Variants in DLC1 observed in about 807,000 individuals in gnomAD.
DLC1 encodes DLC1 Rho GTPase activating protein, also known as rho GTPase-activating protein 7.
DLC1 carries 54 observed loss-of-function variants against 140.3 expected under a neutral mutation model. The ratio of observed to expected loss-of-function variants is 0.38; its 90% CI spans 0.31 to 0.48. The LOEUF is 0.48. DLC1 is among the 20% of genes least tolerant of loss of function. DLC1 has a pLI of 0.96. For synonymous variants in DLC1, 986 were observed against 728.1 expected (o/e 1.35, Z -5.70); for missense variants, 2,536 against 1,907.0 (o/e 1.33, Z -6.14).
At chr8:13,519,424 G>C (rs1015326920), upstream of DLC1, among the ~76,000 whole-genome samples, 14 of 152,078 alleles carry the variant, frequency 9.2e-5, no homozygotes, top group Non-Finnish European at 1.3e-4. Context: ...TGCCGCTCCT[G>C]GCTCATGTGT....
chr8:13,374,115 C>G (rs1168623820), intron 4 of DLC1, among the ~76,000 whole-genome samples: 2 of 152,104 alleles, frequency 1.3e-5, no homozygotes, highest in African/African-American at 4.8e-5. Flanking sequence ...TGAACTGTAT[C>G]TGTATTTAAT....
chr8:13,275,969 T>C (rs144652199), intron 5 of DLC1, among the ~76,000 whole-genome samples: 20 of 152,350 alleles, frequency 1.3e-4, no homozygotes, highest in Non-Finnish European at 1.6e-4. Context: ...ACAAGGACCT[T>C]GCTTCTCTTT....
At chr8:13,599,342 A>T (rs1038892811) in intron 1 of DLC1, among the ~76,000 whole-genome samples, 1 of 152,006 alleles carries the variant, frequency 6.6e-6, no homozygotes, top group African/African-American at 2.4e-5. Flanking sequence ...ATAAATTATT[A>T]AAAATTATTT....
At chr8:13,599,077 A>G (rs1805777947) in intron 1 of DLC1, among the ~76,000 whole-genome samples, 1 of 151,916 alleles carries the variant, frequency 6.6e-6, no homozygotes, top group South Asian at 2.1e-4. Context: ...ATAAGATAAA[A>G]TCTGAAAATT....
At chr8:13,210,049 G>A (rs1279973034) in intron 5 of DLC1, among the ~76,000 whole-genome samples, 1 of 152,070 alleles carries the variant, frequency 6.6e-6, no homozygotes. Context: ...TTTGGTGTTT[G>A]GTGTGGGGTA....
intron 2 of DLC1, among the ~76,000 whole-genome samples, chr8:13,498,622 T>A (rs1000100436): frequency 2.0e-5 from 3 of 152,148 alleles, no homozygotes; most frequent in South Asian, 2.1e-4. Flanking sequence ...TTTTTTCTTA[T>A]GAAAACATAG....
intron 6 of DLC1, among the ~76,000 whole-genome samples, chr8:13,111,707 C>G (rs1057318500): frequency 6.6e-6 from 1 of 152,062 alleles, no homozygotes; most frequent in African/African-American, 2.4e-5. Flanking sequence ...GGAGTCCCAA[C>G]TATGAGGGCA....
chr8:13,148,894 A>C (rs896974405), intron 5 of DLC1, among the ~76,000 whole-genome samples: 6 of 151,946 alleles, frequency 3.9e-5, no homozygotes, highest in African/African-American at 1.5e-4. Context: ...CCAGGTTCAC[A>C]CCATTCTCCA....
At chr8:13,584,887 C>T (rs1288152537) in intron 1 of DLC1, among the ~76,000 whole-genome samples, 2 of 152,124 alleles carry the variant, frequency 1.3e-5, no homozygotes, top group African/African-American at 4.8e-5. Flanking sequence ...GAAACCTTTC[C>T]CCACTGTCTA....
At chr8:13,254,994 T>C (rs1047322504) in intron 5 of DLC1, among the ~76,000 whole-genome samples, 1 of 152,080 alleles carries the variant, frequency 6.6e-6, no homozygotes, top group Non-Finnish European at 1.5e-5. Context: ...TTATTTTTTT[T>C]GAGATGGAGT....
chr8:13,112,185 G>A (rs1262338685), intron 6 of DLC1, among the ~76,000 whole-genome samples: 1 of 152,062 alleles, frequency 6.6e-6, no homozygotes, highest in Admixed American at 6.6e-5. Context: ...AATCCCTTTG[G>A]CCTTCAAAAT....
intron 1 of DLC1, among the ~76,000 whole-genome samples, chr8:13,504,100 T>C (rs1308832830): frequency 6.6e-6 from 1 of 151,738 alleles, no homozygotes; most frequent in Non-Finnish European, 1.5e-5. Flanking sequence ...AGGGTAACAT[T>C]TATCAGAAAC....
At chr8:13,174,956 A>G (rs1241518661) in intron 5 of DLC1, among the ~76,000 whole-genome samples, 1 of 152,158 alleles carries the variant, frequency 6.6e-6, no homozygotes, top group East Asian at 1.9e-4. Flanking sequence ...GATACTCAGA[A>G]TGGTATTTCC....
intron 2 of DLC1, among the ~76,000 whole-genome samples, chr8:13,489,304 C>T (rs1801123822): frequency 6.6e-6 from 1 of 151,558 alleles, no homozygotes; most frequent in African/African-American, 2.4e-5. Context: ...GGTTGACATA[C>T]TTTCTCAGTT....
chr8:13,555,774 T>A (rs951179651), intron 1 of DLC1, among the ~76,000 whole-genome samples: 25 of 152,192 alleles, frequency 1.6e-4, no homozygotes, highest in African/African-American at 5.8e-4. Flanking sequence ...AGTGCTAGGA[T>A]TACAGGCATG....
chr8:13,234,731 G>C (rs1212925107), intron 5 of DLC1, among the ~76,000 whole-genome samples: 2 of 151,922 alleles, frequency 1.3e-5, no homozygotes, highest in Non-Finnish European at 2.9e-5. Context: ...AGAGTATATG[G>C]ATTAAAATTT....
chr8:13,172,084 A>G (rs1262037007), intron 5 of DLC1, among the ~76,000 whole-genome samples: 3 of 152,200 alleles, frequency 2.0e-5, no homozygotes, highest in African/African-American at 7.2e-5. Context: ...CTTCATCTAT[A>G]TGGCATTATT....
chr8:13,574,720 T>G (rs920504171), intron 1 of DLC1, among the ~76,000 whole-genome samples: 1 of 152,214 alleles, frequency 6.6e-6, no homozygotes, highest in African/African-American at 2.4e-5. Context: ...AACAGCATTA[T>G]AGTAATGAAA....
intron 4 of DLC1, among the ~76,000 whole-genome samples, chr8:13,315,872 T>C (rs756365284): frequency 6.6e-6 from 1 of 152,240 alleles, no homozygotes; most frequent in Admixed American, 6.5e-5. Context: ...AAGTTATTAA[T>C]AGTTACATTA....
Sources: gnomAD v4.1 joint callset for allele counts (sites outside exome capture counted in the v4.1 genomes callset) on GRCh38, gnomAD v4.1.1 for gene constraint, MANE v1.5 for transcripts, NCBI Gene and HGNC (gene_info 2026-07-23, HGNC 2026-07-21) for gene names.